The following ZNF385D variants were observed in gnomAD, a reference collection of about 807,000 sequenced individuals.
ZNF385D encodes zinc finger protein 659.
ZNF385D carries 15 observed loss-of-function variants against 35.8 expected under a neutral mutation model. That is an observed-to-expected ratio of 0.42 (90% CI 0.28 to 0.64). ZNF385D has a LOEUF of 0.64. ZNF385D is among the 30% of genes least tolerant of loss of function. ZNF385D has a pLI of 0.23. For synonymous variants in ZNF385D, 212 were observed against 186.8 expected, an observed-to-expected ratio of 1.13 and a Z score of -1.10; for missense variants, 474 against 494.6, an observed-to-expected ratio of 0.96 and a Z score of 0.39.
At position 21,501,951 on chromosome 3, in the gene ZNF385D, G is replaced by A. The variant is rs537868191; in HGVS notation, c.439+8910C>T. Among the ~76,000 whole-genome samples the A allele has an allele frequency of 5.9e-5, 9 of 152,192 alleles. No individual in the cohort carries two copies. The South Asian group carries it at 8.3e-4, about 14-fold the overall frequency. On this transcript the variant is annotated intron_variant, in intron 4 of 7. Transcript: ENST00000281523. Reference sequence around the variant, plus strand: ...TCAGCTTTTCAGGTACTTTATAGATGTAAAATCTCTGGTAAAGAAAGACAG... The same window carrying A: ...TCAGCTTTTCAGGTACTTTATAGATATAAAATCTCTGGTAAAGAAAGACAG...
intron 3 of ZNF385D, among the ~76,000 whole-genome samples, chr3:22,058,294 C>T (rs779158): frequency 0.27 from 40,987 of 152,060 alleles, 5,842 homozygotes; most frequent in Middle Eastern, 0.35. Context: ...TAAAAATATA[C>T]AGAAGGGAAT....
At chr3:21,599,568 T>C (rs1224380312) in intron 2 of ZNF385D, among the ~76,000 whole-genome samples, 1 of 152,188 alleles carries the variant, frequency 6.6e-6, no homozygotes, top group Non-Finnish European at 1.5e-5. Flanking sequence ...AACATGGAGT[T>C]TGGTGTTATT....
At chr3:21,826,999 C>T (rs1694684799) in intron 3 of ZNF385D, among the ~76,000 whole-genome samples, 1 of 152,124 alleles carries the variant, frequency 6.6e-6, no homozygotes, top group Non-Finnish European at 1.5e-5. Flanking sequence ...CACTTCCTCT[C>T]TGTGCCTCTG....
chr3:22,341,842 T>G (rs924812408), intron 2 of ZNF385D, among the ~76,000 whole-genome samples: 2 of 152,216 alleles, frequency 1.3e-5, no homozygotes, highest in Non-Finnish European at 2.9e-5. Flanking sequence ...TACTATTTCT[T>G]GTAAATAACT....
intron 3 of ZNF385D, among the ~76,000 whole-genome samples, chr3:22,025,755 C>A (rs757382972): frequency 2.0e-5 from 3 of 152,110 alleles, no homozygotes; most frequent in East Asian, 1.9e-4. Flanking sequence ...GTGGGTTAAT[C>A]GCTTTAGACC....
intron 3 of ZNF385D, among the ~76,000 whole-genome samples, chr3:21,909,637 A>C (rs909141129): frequency 4.6e-5 from 7 of 152,094 alleles, no homozygotes; most frequent in African/African-American, 1.7e-4. Context: ...TCACAAACCC[A>C]TTCCTCTTGG....
At chr3:21,818,352 A>G (rs2073245565) in intron 3 of ZNF385D, among the ~76,000 whole-genome samples, 1 of 152,164 alleles carries the variant, frequency 6.6e-6, no homozygotes, top group African/African-American at 2.4e-5. Context: ...TACTTAAGAG[A>G]CCTATTGACT....
intron 2 of ZNF385D, among the ~76,000 whole-genome samples, chr3:21,617,073 C>T (rs2064869858): frequency 6.6e-6 from 1 of 152,162 alleles, no homozygotes; most frequent in Non-Finnish European, 1.5e-5. Flanking sequence ...TGAGCAATCT[C>T]CTCTCTGTCC....
chr3:22,353,838 C>A (rs1011208458), intron 2 of ZNF385D, among the ~76,000 whole-genome samples: 1 of 152,100 alleles, frequency 6.6e-6, no homozygotes, highest in Non-Finnish European at 1.5e-5. Flanking sequence ...AAATCTCAAA[C>A]ATCTCACTTG....
chr3:21,976,399 A>T (rs1315831406), intron 3 of ZNF385D, among the ~76,000 whole-genome samples: 1 of 152,222 alleles, frequency 6.6e-6, no homozygotes, highest in Admixed American at 6.5e-5. Context: ...GGAGAATGAT[A>T]AGAGGATGAT....
chr3:21,630,988 C>T (rs1337233685), intron 2 of ZNF385D, among the ~76,000 whole-genome samples: 2 of 152,104 alleles, frequency 1.3e-5, no homozygotes, highest in South Asian at 2.1e-4. Context: ...TTCGTAGTTT[C>T]GTAAATAGAT....
At chr3:21,452,110 G>A (rs935098258) in intron 4 of ZNF385D, among the ~76,000 whole-genome samples, 2 of 152,018 alleles carry the variant, frequency 1.3e-5, no homozygotes, top group Admixed American at 6.6e-5. Flanking sequence ...ACAGTTTTGT[G>A]TAGCAATATC....
Position 21,909,944 on chromosome 3 carries a change from G to C in ZNF385D, c.326-244916C>G, listed in dbSNP as rs114824957. 2.4e-3 allele frequency among the ~76,000 whole-genome samples: 372 copies of C among 152,084 alleles called. 1 individual carries two copies. The highest frequency in any genetic ancestry group is 8.4e-3 in the African/African-American group (350 of 41,538). On this transcript the variant is annotated intron_variant, in intron 3 of 5. Transcript: ENST00000494108. ...AAACATTTTACAACAAATTGCTTTT[G>C]TAACATTGACAATTCACAAACAACT...
chr3:21,491,028 T>C (rs1575037557), intron 4 of ZNF385D, among the ~76,000 whole-genome samples: 1 of 105,608 alleles, frequency 9.5e-6, no homozygotes, highest in Non-Finnish European at 1.9e-5. Context: ...CATCAGCTGG[T>C]GACCCAATCC....
At chr3:22,255,278 C>CA (rs1286858075) in intron 2 of ZNF385D, among the ~76,000 whole-genome samples, 1 of 151,374 alleles carries the variant, frequency 6.6e-6, no homozygotes, top group Admixed American at 6.6e-5. Flanking sequence ...TATTCCCCCC[C>CA]CCAAAATTGT....
chr3:21,894,557 C>T (rs550032061), intron 3 of ZNF385D, among the ~76,000 whole-genome samples: 3 of 152,212 alleles, frequency 2.0e-5, no homozygotes, highest in Admixed American at 6.5e-5. Context: ...GACTTTACAA[C>T]AGCAAAGCTC....
At chr3:22,321,644 C>T (rs1172360053) in intron 2 of ZNF385D, among the ~76,000 whole-genome samples, 1 of 152,176 alleles carries the variant, frequency 6.6e-6, no homozygotes, top group Non-Finnish European at 1.5e-5. Context: ...GGATTACAAG[C>T]ATGAGCCACC....
chr3:21,638,159 C>T (rs796647872), intron 2 of ZNF385D, among the ~76,000 whole-genome samples: 6 of 152,174 alleles, frequency 3.9e-5, no homozygotes, highest in African/African-American at 1.4e-4. Flanking sequence ...AAACAGACAA[C>T]ATTTAGGAAA....
Position 21,813,807 on chromosome 3 carries a change from A to G in ZNF385D, c.326-148779T>C, listed in dbSNP as rs902062803. On this transcript the variant is annotated intron_variant, in intron 3 of 5. Transcript: ENST00000494108. ...GATATTATCCAGGAGAACCTCCCCA[A>G]TCTAGCAAGGCAGGCCAACATTGAA... is the stretch of plus-strand genomic sequence containing the variant. Among the ~76,000 whole-genome samples, 9 of 152,306 alleles carry G rather than the reference A, an allele frequency of 5.9e-5. No homozygotes were observed. In the East Asian group the frequency reaches 7.7e-4, roughly 13 times the overall value.
Sources: allele counts gnomAD v4.1 joint callset (sites outside exome capture counted in the v4.1 genomes callset), GRCh38; gene constraint gnomAD v4.1.1; transcripts MANE v1.5; gene names NCBI Gene and HGNC (gene_info 2026-07-23, HGNC 2026-07-21).